The following PLCH1 variants were observed in gnomAD, a reference collection of about 807,000 sequenced individuals.
The protein encoded by PLCH1 is phospholipase C eta 1, also known as 1-phosphatidylinositol 4,5-bisphosphate phosphodiesterase eta-1.
Under a neutral mutation model 126.7 loss-of-function variants are expected in PLCH1, and 60 were observed. That is an observed-to-expected ratio of 0.47 (90% CI 0.38 to 0.59). The LOEUF is 0.59. PLCH1 is among the 20% of genes least tolerant of loss of function. The pLI is 0.00. For missense variants in PLCH1, 1,723 were observed against 2,040.0 expected (o/e 0.84, Z 2.99); for synonymous variants, 719 against 734.9 (o/e 0.98, Z 0.35).
At chr3:155,462,422 T>C (rs1424174152) in intron 21 of PLCH1, among the ~76,000 whole-genome samples, 1 of 152,076 alleles carries the variant, frequency 6.6e-6, no homozygotes, top group Non-Finnish European at 1.5e-5. Context: ...AGATGGTGAG[T>C]ATCAGCTATG....
intron 2 of PLCH1, among the ~76,000 whole-genome samples, chr3:155,598,851 T>C (rs368053516): frequency 1.9e-4 from 29 of 152,326 alleles, no homozygotes; most frequent in East Asian, 1.3e-3. Context: ...TAGCTATTTG[T>C]AACAGACTGA....
intron 2 of PLCH1, among the ~76,000 whole-genome samples, chr3:155,631,893 C>A (rs1365466523): frequency 2.9e-5 from 4 of 135,816 alleles, no homozygotes; most frequent in African/African-American, 9.2e-5. Flanking sequence ...CAAGTGACCA[C>A]AAGAACTCCT....
At chr3:155,636,519 G>A (rs1385715311) in intron 2 of PLCH1, among the ~76,000 whole-genome samples, 1 of 152,022 alleles carries the variant, frequency 6.6e-6, no homozygotes, top group Admixed American at 6.6e-5. Context: ...AGGCTGAGGC[G>A]GGTGGATTAC....
intron 10 of PLCH1, among the ~76,000 whole-genome samples, chr3:155,526,852 C>T (rs1024353118): frequency 3.9e-4 from 60 of 152,200 alleles, no homozygotes; most frequent in Non-Finnish European, 1.0e-4. Context: ...AGATACCTAA[C>T]GTAAGCACCA....
At chr3:155,612,541 A>T (rs1194927665) in intron 2 of PLCH1, among the ~76,000 whole-genome samples, 1 of 152,196 alleles carries the variant, frequency 6.6e-6, no homozygotes, top group Non-Finnish European at 1.5e-5. Flanking sequence ...CAACAAAAAA[A>T]AAAGATAAAT....
intron 12 of PLCH1, among the ~76,000 whole-genome samples, chr3:155,511,989 T>C (rs943095535): frequency 2.4e-4 from 36 of 151,842 alleles, no homozygotes; most frequent in Non-Finnish European, 4.3e-4. Flanking sequence ...GACTGCTGTG[T>C]TAGCAATCAG....
chr3:155,512,667 C>T (rs1719747003), intron 12 of PLCH1, among the ~76,000 whole-genome samples: 1 of 152,146 alleles, frequency 6.6e-6, no homozygotes, highest in Non-Finnish European at 1.5e-5. Context: ...GAGGTGTGCA[C>T]GTGTGGACTC....
At chr3:155,628,680 G>C (rs562618874) in intron 2 of PLCH1, among the ~76,000 whole-genome samples, 12 of 151,920 alleles carry the variant, frequency 7.9e-5, no homozygotes, top group South Asian at 2.1e-4. Context: ...AGGAGTCTCA[G>C]CTATGAACTT....
intron 2 of PLCH1, among the ~76,000 whole-genome samples, chr3:155,655,607 C>G (rs34810038): frequency 1.3e-5 from 2 of 151,974 alleles, no homozygotes; most frequent in Non-Finnish European, 2.9e-5. Context: ...ATAAAGCCTT[C>G]CATCCATAAC....
At chr3:155,540,027 GTA>G (rs112246957) in intron 10 of PLCH1, among the ~76,000 whole-genome samples, 129,832 of 151,994 alleles carry the variant, frequency 0.85, 56,352 homozygotes, top group Middle Eastern at 0.95. Context: ...CATGGTACTG[GTA>G]TATAAAAATA....
At chr3:155,740,422 A>AG (rs895680662) in intron 1 of PLCH1, among the ~76,000 whole-genome samples, 7 of 149,782 alleles carry the variant, frequency 4.7e-5, no homozygotes, top group East Asian at 1.9e-4. Context: ...AAAAAAAAAA[A>AG]AAGAAGAAGA....
chr3:155,559,240 G>T (rs564483210), intron 8 of PLCH1, among the ~76,000 whole-genome samples: 1 of 152,154 alleles, frequency 6.6e-6, no homozygotes, highest in East Asian at 1.9e-4. Context: ...ATTTAACTAT[G>T]AGTTGAATCT....
At position 155,578,187 on chromosome 3, in the gene PLCH1, C is replaced by T. The variant is rs910880851; in HGVS notation, c.771+5285G>A. ...GAGTAAAGATGTAGAAAGGATGTAT[C>T]CTCTAAGGGAAAATATAGACATTTC... On this transcript the variant is annotated intron_variant, in intron 6 of 22. Coordinates refer to ENST00000460012, the MANE Select transcript of PLCH1 (RefSeq NM_014996.4). 3.3e-4 allele frequency among the ~76,000 whole-genome samples: 51 copies of T among 152,256 alleles called. 1 individual carries two copies. Among genetic ancestry groups the T allele is most frequent in the Admixed American group, 1.4e-3 (22 of 15,292 alleles).
At chr3:155,740,009 C>A (rs539725008) in intron 1 of PLCH1, among the ~76,000 whole-genome samples, 4 of 152,302 alleles carry the variant, frequency 2.6e-5, no homozygotes, top group Admixed American at 2.6e-4. Flanking sequence ...ATTCCTCAGA[C>A]CAAAATAGAT....
intron 2 of PLCH1, among the ~76,000 whole-genome samples, chr3:155,606,289 G>A (rs1300023815): frequency 2.0e-5 from 3 of 152,136 alleles, no homozygotes; most frequent in African/African-American, 7.2e-5. Flanking sequence ...GACTCCTTAG[G>A]AAAAACAGAG....
chr3:155,566,226 TAC>T lies in PLCH1; in HGVS notation c.866-1110_866-1109del, dbSNP rs1463499625. Reference sequence around the variant, plus strand: ...ATATATACACATATATACGTATATATACACATATATATACATATATATACGTA... The same window carrying T: ...ATATATACACATATATACGTATATATACATATATATACATATATATACGTA... On this transcript the variant is annotated intron_variant, in intron 7 of 22. Transcript: ENST00000460012. Among the ~76,000 whole-genome samples, 41 of 132,488 alleles carry T rather than the reference TAC, an allele frequency of 3.1e-4. 10 individuals carry two copies. Among genetic ancestry groups the T allele is most frequent in the African/African-American group, 1.0e-3 (37 of 36,954 alleles). The allele number at this position is 132,488 out of a possible 152,430, so 86.9% of individuals were successfully genotyped here.
intron 2 of PLCH1, among the ~76,000 whole-genome samples, chr3:155,597,152 A>AT (rs11441242): frequency 0.87 from 131,890 of 152,198 alleles, 57,820 homozygotes; most frequent in African/African-American, 0.97. Flanking sequence ...CTTTAGAAAC[A>AT]TCCTCTACCA....
intron 22 of PLCH1, among the ~76,000 whole-genome samples, 182 bp downstream of exon 22, chr3:155,485,174 G>A (rs1714848338): frequency 6.6e-6 from 1 of 152,162 alleles, no homozygotes; most frequent in South Asian, 2.1e-4. Context: ...TGGTGAGGAG[G>A]AAATGGATCT....
chr3:155,471,751 C>G (rs1560033013), intron 21 of PLCH1, among the ~76,000 whole-genome samples: 1 of 151,780 alleles, frequency 6.6e-6, no homozygotes, highest in Non-Finnish European at 1.5e-5. Context: ...TGCAATCAAA[C>G]TAGAACTCAG....
Sources: gnomAD v4.1 joint callset for allele counts (sites outside exome capture counted in the v4.1 genomes callset) on GRCh38, gnomAD v4.1.1 for gene constraint, MANE v1.5 for transcripts, NCBI Gene and HGNC (gene_info 2026-07-23, HGNC 2026-07-21) for gene names.